Variants in NALF1 observed in about 807,000 individuals in gnomAD.
The protein encoded by NALF1 is NALCN channel auxiliary factor 1, also known as family with sequence similarity 155 member A.
NALF1 carries 3 observed loss-of-function variants against 48.4 expected under a neutral mutation model. The ratio of observed to expected loss-of-function variants is 0.06; its 90% CI spans 0.03 to 0.16. The LOEUF is 0.16. NALF1 is among the 10% of genes least tolerant of loss of function. The pLI is 1.00. For missense variants in NALF1, 526 were observed against 571.5 expected (o/e 0.92, Z 0.81); for synonymous variants, 262 against 245.7 (o/e 1.07, Z -0.62).
intron 1 of NALF1, among the ~76,000 whole-genome samples, chr13:107,460,719 A>C (rs972715452): frequency 1.3e-5 from 2 of 152,334 alleles, no homozygotes; most frequent in Non-Finnish European, 2.9e-5. Flanking sequence ...CATATTGATA[A>C]TACATAGTCA....
In NALF1 at chr13:107,355,624, C is replaced by T. The variant is rs578239197; in HGVS notation, c.916-144869G>A. Among the ~76,000 whole-genome samples, 8 of 152,066 alleles carry T rather than the reference C, an allele frequency of 5.3e-5. No homozygotes were observed. In the East Asian group the frequency reaches 5.8e-4, roughly 11 times the overall value. ...TCATGAGATCTGGTTGTTTAAAAGG[C>T]GTGTAGCACTTCCCCCTTCTCTTTC... On this transcript the variant is annotated intron_variant, in intron 1 of 2. Transcript: ENST00000375915.
At chr13:107,838,861 G>A (rs750520058) in intron 1 of NALF1, among the ~76,000 whole-genome samples, 13 of 152,112 alleles carry the variant, frequency 8.5e-5, no homozygotes, top group South Asian at 4.1e-4. Context: ...GTCATTATAC[G>A]ACAACAAATC....
At chr13:107,196,941 G>A (rs998548311) in intron 2 of NALF1, among the ~76,000 whole-genome samples, 3 of 152,108 alleles carry the variant, frequency 2.0e-5, no homozygotes, top group Admixed American at 2.0e-4. Context: ...GTTTGAATGT[G>A]TCCCCTGAAT....
At chr13:107,229,884 T>A (rs1030303108) in intron 1 of NALF1, among the ~76,000 whole-genome samples, 12 of 152,212 alleles carry the variant, frequency 7.9e-5, no homozygotes, top group African/African-American at 2.9e-4. Flanking sequence ...CTTGCCTGGA[T>A]TCCATAGGAA....
At chr13:107,756,331 A>G (rs888487612) in intron 1 of NALF1, among the ~76,000 whole-genome samples, 13 of 152,060 alleles carry the variant, frequency 8.5e-5, no homozygotes, top group African/African-American at 2.7e-4. Flanking sequence ...TCCCCTGGTG[A>G]TGCCAATGTG....
intron 1 of NALF1, among the ~76,000 whole-genome samples, chr13:107,707,586 G>A (rs1875434848): frequency 6.6e-6 from 1 of 152,136 alleles, no homozygotes; most frequent in South Asian, 2.1e-4. Context: ...AGCAATTATT[G>A]AGCCAAGCGG....
At chr13:107,408,212 G>T (rs1197647562) in intron 1 of NALF1, among the ~76,000 whole-genome samples, 1 of 151,916 alleles carries the variant, frequency 6.6e-6, no homozygotes, top group Non-Finnish European at 1.5e-5. Flanking sequence ...TAACGTAACA[G>T]GGTGATTATA....
intron 1 of NALF1, among the ~76,000 whole-genome samples, chr13:107,378,685 T>C (rs1883381293): frequency 6.6e-6 from 1 of 152,212 alleles, no homozygotes; most frequent in African/African-American, 2.4e-5. Context: ...TATTGAACAT[T>C]TGAAATATTT....
chr13:107,441,238 A>G (rs1362786889), intron 1 of NALF1, among the ~76,000 whole-genome samples: 6 of 152,198 alleles, frequency 3.9e-5, no homozygotes, highest in Admixed American at 3.9e-4. Flanking sequence ...TGTTGGTCCA[A>G]CCAACAGAAG....
chr13:107,842,685 A>G (rs1348375020), intron 1 of NALF1, among the ~76,000 whole-genome samples: 1 of 151,766 alleles, frequency 6.6e-6, no homozygotes, highest in Non-Finnish European at 1.5e-5. Flanking sequence ...TAGACCTGCC[A>G]TAAAGAAAGT....
intron 1 of NALF1, among the ~76,000 whole-genome samples, chr13:107,743,381 G>T (rs1345305341): frequency 6.6e-6 from 1 of 152,170 alleles, no homozygotes; most frequent in Admixed American, 6.5e-5. Context: ...TTTCTGGTAA[G>T]AAACGGCATG....
intron 2 of NALF1, among the ~76,000 whole-genome samples, chr13:107,180,836 T>G (rs1879045675): frequency 6.6e-6 from 1 of 151,824 alleles, no homozygotes; most frequent in Non-Finnish European, 1.5e-5. Context: ...CCGTCTAGGA[T>G]AGTTTATATG....
intron 2 of NALF1, among the ~76,000 whole-genome samples, chr13:107,185,307 G>A (rs1457024781): frequency 2.6e-5 from 4 of 152,098 alleles, no homozygotes; most frequent in African/African-American, 7.2e-5. Flanking sequence ...GCTGGGAAAC[G>A]AATATACTGC....
chr13:107,617,580 T>C (rs116864696), intron 1 of NALF1, among the ~76,000 whole-genome samples: 125 of 152,242 alleles, frequency 8.2e-4, no homozygotes, highest in Non-Finnish European at 1.6e-3. Context: ...GAAGGACCCA[T>C]GAGAAAGAAC....
chr13:107,596,684 G>A (rs1348239375), intron 1 of NALF1, among the ~76,000 whole-genome samples: 2 of 152,026 alleles, frequency 1.3e-5, no homozygotes, highest in East Asian at 3.9e-4. Flanking sequence ...GGGGGTGGGG[G>A]ACTAGGGGGA....
chr13:107,737,052 CT>C (rs1876488072), intron 1 of NALF1, among the ~76,000 whole-genome samples: 1 of 152,194 alleles, frequency 6.6e-6, no homozygotes, highest in Non-Finnish European at 1.5e-5. Flanking sequence ...TGGAAGACAG[CT>C]GAGAACCACA....
intron 1 of NALF1, among the ~76,000 whole-genome samples, chr13:107,585,496 G>A: frequency 6.6e-6 from 1 of 152,174 alleles, no homozygotes; most frequent in Admixed American, 6.6e-5. Flanking sequence ...TTTCATAGAG[G>A]CAAAGGAGAA....
intron 1 of NALF1, among the ~76,000 whole-genome samples, chr13:107,341,859 T>A (rs1035160680): frequency 1.5e-4 from 22 of 148,314 alleles, no homozygotes; most frequent in Admixed American, 4.1e-4. Context: ...GACACACAGA[T>A]AAACTATATT....
At chr13:107,438,433 G>GA (rs1483607259) in intron 1 of NALF1, among the ~76,000 whole-genome samples, 1 of 152,092 alleles carries the variant, frequency 6.6e-6, no homozygotes, top group Non-Finnish European at 1.5e-5. Context: ...AATTGCCCTA[G>GA]AAACAGAAGT....
Sources: gnomAD v4.1 joint callset for allele counts (sites outside exome capture counted in the v4.1 genomes callset) on GRCh38, gnomAD v4.1.1 for gene constraint, MANE v1.5 for transcripts, NCBI Gene and HGNC (gene_info 2026-07-23, HGNC 2026-07-21) for gene names.